Variants in ADAMTS17 observed in about 807,000 individuals in gnomAD.
ADAMTS17 encodes ADAM metallopeptidase with thrombospondin type 1 motif 17, also known as A disintegrin and metalloproteinase with thrombospondin motifs 17.
A neutral mutation model predicts 141.5 loss-of-function variants in ADAMTS17; 113 were observed. The ratio of observed to expected loss-of-function variants is 0.80; its 90% CI spans 0.69 to 0.93. The LOEUF is 0.93. Ranked by LOEUF, ADAMTS17 falls within the 40% of genes least tolerant of loss-of-function variation. The pLI is 0.00. For missense variants in ADAMTS17, 1,659 were observed against 1,517.9 expected (o/e 1.09, Z -1.54); for synonymous variants, 768 against 630.6 (o/e 1.22, Z -3.27).
At chr15:100,261,368 G>T in intron 6 of ADAMTS17, 111 bp downstream of exon 6, 1 of 1,471,340 alleles carries the variant, frequency 6.8e-7, no homozygotes, top group Non-Finnish European at 9.3e-7. Context: ...CAGACAGGTG[G>T]CCCAAGGTCT....
intron 3 of ADAMTS17, among the ~76,000 whole-genome samples, chr15:100,297,003 T>C (rs537212776): frequency 1.3e-5 from 2 of 151,978 alleles, no homozygotes; most frequent in Non-Finnish European, 2.9e-5. Context: ...GAGTGGACAA[T>C]GCTATGAGAA....
At position 100,192,473 on chromosome 15, in the gene ADAMTS17, C is replaced by G. The variant is rs890150596; in HGVS notation, c.1181+6845G>C. Among the ~76,000 whole-genome samples the G allele has an allele frequency of 4.6e-5, 7 of 152,364 alleles. No individual in the cohort carries two copies. In the South Asian group the frequency reaches 1.2e-3, roughly 27 times the overall value. On this transcript the variant is annotated intron_variant, in intron 8 of 21. Coordinates refer to ENST00000268070, the MANE Select transcript of ADAMTS17 (RefSeq NM_139057.4). ...CAGCTAGAACAAAAGAATGCTCCCT[C>G]TCCCTCCAGGATTTCTAAACAGTTA... is the stretch of plus-strand genomic sequence containing the variant.
intron 3 of ADAMTS17, among the ~76,000 whole-genome samples, chr15:100,296,364 T>C (rs2044811519): frequency 6.6e-6 from 1 of 152,146 alleles, no homozygotes; most frequent in African/African-American, 2.4e-5. Flanking sequence ...CAGGTGAAGT[T>C]TTCCACAGCT....
At chr15:100,165,483 G>A (rs149454171) in intron 8 of ADAMTS17, among the ~76,000 whole-genome samples, 1 of 152,180 alleles carries the variant, frequency 6.6e-6, no homozygotes, top group East Asian at 1.9e-4. Flanking sequence ...AGTGGCACCT[G>A]CTTGGGAGGC....
At chr15:99,986,475 G>A (rs1015442317) in intron 20 of ADAMTS17, among the ~76,000 whole-genome samples, 1 of 152,164 alleles carries the variant, frequency 6.6e-6, no homozygotes, top group Non-Finnish European at 1.5e-5. Flanking sequence ...CTGAGGCACT[G>A]CTATCTCCAC....
intron 18 of ADAMTS17, among the ~76,000 whole-genome samples, chr15:100,030,042 A>G (rs2029979054): frequency 6.6e-6 from 1 of 152,170 alleles, no homozygotes; most frequent in South Asian, 2.1e-4. Flanking sequence ...CCGAGGCCTG[A>G]GCCTTGCTTC....
chr15:100,296,595 G>GTGTGTGTGTGTGTA lies in ADAMTS17; in HGVS notation c.617-15195_617-15194insTACACACACACACA, dbSNP rs1315811758. On this transcript the variant is annotated intron_variant, in intron 3 of 21. Transcript: ENST00000268070. Reference sequence around the variant, plus strand: ...GGTGAGGGGGGGTGTGTGTGTGTGTGTGTGTGTGTATGTGTGTGTGTGCGC... The same window carrying GTGTGTGTGTGTGTA: ...GGTGAGGGGGGGTGTGTGTGTGTGTGTGTGTGTGTGTGTATGTGTGTGTATGTGTGTGTGTGCGC... Among the ~76,000 whole-genome samples the GTGTGTGTGTGTGTA allele has an allele frequency of 4.8e-3, 726 of 152,158 alleles. 10 individuals carry two copies. In the East Asian group the frequency reaches 0.058, roughly 12 times the overall value.
At chr15:100,101,709 A>G (rs768334639) in intron 14 of ADAMTS17, among the ~76,000 whole-genome samples, 4 of 152,228 alleles carry the variant, frequency 2.6e-5, no homozygotes, top group Non-Finnish European at 5.9e-5. Context: ...CCTCTTATCA[A>G]GCTGGGGAGT....
intron 8 of ADAMTS17, among the ~76,000 whole-genome samples, chr15:100,162,842 A>G (rs1356815108): frequency 6.8e-6 from 1 of 146,490 alleles, no homozygotes; most frequent in Non-Finnish European, 1.5e-5. Flanking sequence ...GTATAACTAT[A>G]TATAGTTATA....
In ADAMTS17 at chr15:100,184,534, C is replaced by T. The variant is rs555065260; in HGVS notation, c.1181+14784G>A. On this transcript the variant is annotated intron_variant, in intron 8 of 21. Transcript: ENST00000268070. The stretch of plus-strand genomic sequence containing the variant: ...GCTGTCAGTGTCCCCATTATACAGA[C>T]GAGGACACTGGGGCACATGGAGGGT... Among the ~76,000 whole-genome samples the T allele has an allele frequency of 8.5e-5, 13 of 152,278 alleles. No individual in the cohort carries two copies. The South Asian group carries it at 2.3e-3, about 27-fold the overall frequency.
intron 8 of ADAMTS17, among the ~76,000 whole-genome samples, chr15:100,156,269 A>G (rs1386746243): frequency 6.6e-6 from 1 of 152,154 alleles, no homozygotes; most frequent in Non-Finnish European, 1.5e-5. Flanking sequence ...ATATCTGACC[A>G]TCTTCCGTCA....
At chr15:100,004,777 T>C (rs1287095308) in intron 18 of ADAMTS17, among the ~76,000 whole-genome samples, 2 of 152,152 alleles carry the variant, frequency 1.3e-5, no homozygotes, top group African/African-American at 4.8e-5. Flanking sequence ...TGCTCCACCA[T>C]ACCTGGCTAA....
At chr15:100,035,006 C>T (rs552828514) in intron 18 of ADAMTS17, among the ~76,000 whole-genome samples, 1 of 152,326 alleles carries the variant, frequency 6.6e-6, no homozygotes, top group Non-Finnish European at 1.5e-5. Context: ...ACCTGCCTGT[C>T]TCCCAGCAAA....
chr15:100,190,598 G>A (rs1447341909), intron 8 of ADAMTS17, among the ~76,000 whole-genome samples: 3 of 152,220 alleles, frequency 2.0e-5, no homozygotes, highest in African/African-American at 4.8e-5. Context: ...GGGACAGCAG[G>A]AGGAACCCCA....
intron 7 of ADAMTS17, among the ~76,000 whole-genome samples, chr15:100,225,962 A>G (rs1201110372): frequency 6.9e-6 from 1 of 144,348 alleles, no homozygotes; most frequent in African/African-American, 2.5e-5. Flanking sequence ...TATAGCAGTC[A>G]TAGCCTCTGT....
intron 18 of ADAMTS17, among the ~76,000 whole-genome samples, chr15:100,018,411 C>T (rs886797643): frequency 3.9e-5 from 6 of 152,170 alleles, no homozygotes; most frequent in African/African-American, 1.4e-4. Flanking sequence ...AATTGTAATT[C>T]CTCGTGTTGG....
chr15:99,987,808 T>C (rs1274587817), intron 20 of ADAMTS17, among the ~76,000 whole-genome samples: 1 of 152,024 alleles, frequency 6.6e-6, no homozygotes, highest in Non-Finnish European at 1.5e-5. Context: ...GAGAGGGTAG[T>C]GAGGGGCAGG....
chr15:100,331,806 A>G (rs1274215025), intron 2 of ADAMTS17, among the ~76,000 whole-genome samples: 1 of 152,160 alleles, frequency 6.6e-6, no homozygotes, highest in African/African-American at 2.4e-5. Context: ...TGGTTCTCAA[A>G]GCCTAGCGTG....
chr15:100,305,011 C>A (rs1280272502), intron 3 of ADAMTS17, among the ~76,000 whole-genome samples: 1 of 152,116 alleles, frequency 6.6e-6, no homozygotes, highest in East Asian at 1.9e-4. Flanking sequence ...GTATACAATA[C>A]CCATTGTTTA....
Sources: allele counts gnomAD v4.1 joint callset (sites outside exome capture counted in the v4.1 genomes callset), GRCh38; gene constraint gnomAD v4.1.1; transcripts MANE v1.5; gene names NCBI Gene and HGNC (gene_info 2026-07-23, HGNC 2026-07-21).